Variants in NLGN1 observed in about 807,000 individuals in gnomAD.
NLGN1 encodes neuroligin-1.
NLGN1 carries 12 observed loss-of-function variants against 65.5 expected under a neutral mutation model. The ratio of observed to expected loss-of-function variants is 0.18; its 90% CI spans 0.12 to 0.30. The LOEUF (loss-of-function observed/expected upper bound fraction) is 0.30. Among genes scored for constraint, NLGN1 ranks in the 10% least tolerant of loss-of-function variants. The pLI, the probability that NLGN1 is intolerant of heterozygous loss-of-function variation, is 1.00. For synonymous variants in NLGN1, 350 were observed against 359.5 expected (o/e 0.97, Z 0.30); for missense variants, 750 against 1,007.1 (o/e 0.74, Z 3.46).
At chr3:173,810,016 T>A (rs1717539833) in intron 4 of NLGN1, among the ~76,000 whole-genome samples, 1 of 152,232 alleles carries the variant, frequency 6.6e-6, no homozygotes, top group Admixed American at 6.5e-5. Flanking sequence ...AGCCAAAGGC[T>A]GTCCTTGATA....
At chr3:173,849,386 C>T (rs1726445998) in intron 4 of NLGN1, among the ~76,000 whole-genome samples, 1 of 152,104 alleles carries the variant, frequency 6.6e-6, no homozygotes, top group Admixed American at 6.5e-5. Flanking sequence ...AGAAACCAGG[C>T]TTCCATGTGT....
chr3:173,606,055 C>T (rs1270735307), intron 3 of NLGN1, among the ~76,000 whole-genome samples: 1 of 151,992 alleles, frequency 6.6e-6, no homozygotes, highest in Non-Finnish European at 1.5e-5. Flanking sequence ...TGGACTTTCT[C>T]ATCCTAAGGA....
At chr3:174,232,723 G>A (rs1490574140) in intron 4 of NLGN1, among the ~76,000 whole-genome samples, 1 of 152,178 alleles carries the variant, frequency 6.6e-6, no homozygotes, top group African/African-American at 2.4e-5. Context: ...TTAATGGCAA[G>A]ACAGATTAAG....
chr3:173,897,851 A>G (rs1736605212), intron 4 of NLGN1, among the ~76,000 whole-genome samples: 1 of 152,204 alleles, frequency 6.6e-6, no homozygotes, highest in Non-Finnish European at 1.5e-5. Context: ...CAATACTAAT[A>G]GAATAGCATG....
chr3:174,161,208 A>G (rs1177588038), intron 4 of NLGN1, among the ~76,000 whole-genome samples: 1 of 151,796 alleles, frequency 6.6e-6, no homozygotes, highest in East Asian at 1.9e-4. Context: ...TTTATGAATA[A>G]TATTTAGCCT....
intron 4 of NLGN1, among the ~76,000 whole-genome samples, chr3:174,029,930 A>G (rs1052370651): frequency 1.3e-5 from 2 of 152,156 alleles, no homozygotes; most frequent in African/African-American, 4.8e-5. Context: ...CTGTGAGTCA[A>G]TTAAACCTCT....
chr3:174,271,461 T>TA (rs1293232983), intron 4 of NLGN1, among the ~76,000 whole-genome samples: 1 of 151,894 alleles, frequency 6.6e-6, no homozygotes, highest in Admixed American at 6.6e-5. Flanking sequence ...GTCAGAGAGT[T>TA]ATCTGAGTTC....
At chr3:174,163,209 T>C (rs993749685) in intron 4 of NLGN1, among the ~76,000 whole-genome samples, 1 of 152,030 alleles carries the variant, frequency 6.6e-6, no homozygotes. Flanking sequence ...AGCATCAACC[T>C]TATTCTTCAG....
intron 4 of NLGN1, among the ~76,000 whole-genome samples, chr3:174,263,201 G>A (rs1199836095): frequency 3.3e-5 from 5 of 150,700 alleles, no homozygotes; most frequent in Middle Eastern, 3.2e-3. Flanking sequence ...TATTAGGTCC[G>A]CTTGGTGCAG....
intron 4 of NLGN1, among the ~76,000 whole-genome samples, chr3:173,918,358 C>T (rs747271674): frequency 1.3e-5 from 2 of 151,846 alleles, no homozygotes; most frequent in Admixed American, 1.3e-4. Flanking sequence ...TAGAATGGGC[C>T]GGGCGCGGTG....
intron 4 of NLGN1, among the ~76,000 whole-genome samples, chr3:173,851,776 A>C (rs564986022): frequency 6.6e-6 from 1 of 152,258 alleles, no homozygotes; most frequent in African/African-American, 2.4e-5. Flanking sequence ...GCACCCTTCT[A>C]TTGCATCTGC....
At chr3:174,260,123 T>C (rs1281420541) in intron 4 of NLGN1, among the ~76,000 whole-genome samples, 1 of 151,894 alleles carries the variant, frequency 6.6e-6, no homozygotes, top group African/African-American at 2.4e-5. Flanking sequence ...TTTGCTATTG[T>C]GAATAATGCC....
chr3:173,510,582 G>A lies in NLGN1; in HGVS notation c.-321+75504G>A, dbSNP rs142065561. Among the ~76,000 whole-genome samples the A allele has an allele frequency of 5.2e-3, 792 of 152,248 alleles. 9 individuals are homozygous for A. The highest frequency in any genetic ancestry group is 0.018 in the African/African-American group (745 of 41,560). On this transcript the variant is annotated intron_variant, in intron 2 of 6. Coordinates refer to ENST00000457714, the Ensembl canonical transcript of NLGN1. Reference sequence around the variant, plus strand: ...AGATGTTGGAAATGTATTAATTATCGTATTGGCTCTTGGGCCTAGTTCTTG... The same window carrying A: ...AGATGTTGGAAATGTATTAATTATCATATTGGCTCTTGGGCCTAGTTCTTG...
chr3:173,627,421 T>C (rs1754997003), intron 3 of NLGN1, among the ~76,000 whole-genome samples: 1 of 152,072 alleles, frequency 6.6e-6, no homozygotes, highest in South Asian at 2.1e-4. Flanking sequence ...CACACATCAC[T>C]TTCTTTATCC....
At chr3:174,034,870 A>G (rs1188145508) in intron 4 of NLGN1, among the ~76,000 whole-genome samples, 1 of 152,170 alleles carries the variant, frequency 6.6e-6, no homozygotes, top group African/African-American at 2.4e-5. Context: ...TACACAGACC[A>G]ATTAAAAGAC....
Position 173,765,052 on chromosome 3 carries a change from A to G in NLGN1, c.494-42628A>G, listed in dbSNP as rs1012050207. On this transcript the variant is annotated intron_variant, in intron 3 of 6. Transcript: ENST00000457714. ...AGAAATTGCTAATTGCTGTGGGTGC[A>G]TGTGTGTGTGTGTGTGTGTGTGTGT... Among the ~76,000 whole-genome samples, 4 of 136,288 alleles carry G rather than the reference A, an allele frequency of 2.9e-5. No homozygotes were observed. In the East Asian group the frequency reaches 6.7e-4, roughly 23 times the overall value. The allele number at this position is 136,288 out of a possible 152,430, so 89.4% of individuals were successfully genotyped here. A position where few individuals can be genotyped will look rare whatever the true frequency, so the allele number is the denominator to read the frequency against.
intron 3 of NLGN1, among the ~76,000 whole-genome samples, chr3:173,745,889 C>T (rs1775289594): frequency 6.6e-6 from 1 of 152,084 alleles, no homozygotes; most frequent in African/African-American, 2.4e-5. Context: ...GAAACATTCA[C>T]TTCACAGATA....
intron 4 of NLGN1, among the ~76,000 whole-genome samples, chr3:173,828,477 A>C (rs143788664): frequency 6.6e-6 from 1 of 152,156 alleles, no homozygotes; most frequent in African/African-American, 2.4e-5. Context: ...ATATCCTTCT[A>C]TGCTAGATAC....
chr3:173,569,845 A>G (rs545978069), intron 2 of NLGN1, among the ~76,000 whole-genome samples: 1 of 144,772 alleles, frequency 6.9e-6, no homozygotes, highest in East Asian at 2.2e-4. Context: ...TTTCTTTGGA[A>G]TGTATTCTAC....
Sources: gnomAD v4.1 joint callset for allele counts (sites outside exome capture counted in the v4.1 genomes callset) on GRCh38, gnomAD v4.1.1 for gene constraint, MANE v1.5 for transcripts, NCBI Gene and HGNC (gene_info 2026-07-23, HGNC 2026-07-21) for gene names.